Variants in PTH2R observed in about 807,000 individuals in gnomAD.
The protein encoded by PTH2R is parathyroid hormone 2 receptor.
In PTH2R, 59 loss-of-function variants were observed where a neutral mutation model predicts 60.3. The ratio of observed to expected loss-of-function variants is 0.98; its 90% confidence interval spans 0.79 to 1.22. PTH2R has a LOEUF of 1.22. Among genes scored for constraint, PTH2R ranks in the 50% most tolerant of loss-of-function variants. PTH2R has a pLI of 0.00. For synonymous variants in PTH2R, 256 were observed against 243.8 expected, an observed-to-expected ratio of 1.05 and a Z score of -0.47; for missense variants, 749 against 682.6, an observed-to-expected ratio of 1.10 and a Z score of -1.08.
intron 1 of PTH2R, among the ~76,000 whole-genome samples, chr2:208,395,958 CAG>C (rs1391450779): frequency 6.6e-6 from 1 of 152,182 alleles, no homozygotes; most frequent in African/African-American, 2.4e-5. Flanking sequence ...GGTACCAAAA[CAG>C]AGATATAGAC....
chr2:208,467,259 A>G (rs992596360), intron 9 of PTH2R, among the ~76,000 whole-genome samples: 4 of 152,182 alleles, frequency 2.6e-5, no homozygotes, highest in African/African-American at 7.2e-5. Context: ...GGTGGGAGCA[A>G]GTTTTCTTTT....
chr2:208,407,138 G>A lies in PTH2R; in HGVS notation c.75+20G>A, dbSNP rs1574845254. On this transcript the variant is annotated intron_variant, in intron 1 of 12. Transcript: ENST00000272847. ...GCCCAGGTAAGAGCCAGTGCTCCGC[G>A]ACACCTGTTTTCGCGGAGCCTCCGG... is the stretch of plus-strand genomic sequence containing the variant. 4 of 1,402,318 alleles carry A rather than the reference G, an allele frequency of 2.9e-6. No homozygotes were observed. In the African/African-American group the frequency reaches 4.5e-5, roughly 16 times the overall value. 86.9% of individuals were successfully genotyped at this position (1,402,318 alleles called of 1,614,324 possible).
At chr2:208,481,735 C>T (rs931594118) in intron 10 of PTH2R, among the ~76,000 whole-genome samples, 3 of 152,092 alleles carry the variant, frequency 2.0e-5, no homozygotes, top group Non-Finnish European at 4.4e-5. Context: ...TATGAACTCC[C>T]AGAAAATATC....
intron 1 of PTH2R, among the ~76,000 whole-genome samples, chr2:208,398,340 C>T (rs1016084198): frequency 2.6e-5 from 4 of 152,100 alleles, no homozygotes; most frequent in African/African-American, 4.8e-5. Context: ...CCAGAATGGC[C>T]GTGGAAGTCA....
At chr2:208,372,035 C>T (rs1700711479) in intron 1 of PTH2R, among the ~76,000 whole-genome samples, 2 of 152,024 alleles carry the variant, frequency 1.3e-5, no homozygotes, top group African/African-American at 4.8e-5. Context: ...AGTTCTCCTG[C>T]CTCAGCCTCC....
intron 1 of PTH2R, among the ~76,000 whole-genome samples, chr2:208,411,304 T>C (rs1033801684): frequency 3.9e-5 from 6 of 152,242 alleles, no homozygotes; most frequent in African/African-American, 1.4e-4. Context: ...CTATACTGTG[T>C]TTATTGCCAC....
At chr2:208,476,897 G>T (rs907333227) in intron 9 of PTH2R, among the ~76,000 whole-genome samples, 2 of 152,164 alleles carry the variant, frequency 1.3e-5, no homozygotes, top group Admixed American at 1.3e-4. Flanking sequence ...GATGCTGAAG[G>T]GTAGGCTCCT....
At chr2:208,457,528 A>G (rs1485323422) in intron 8 of PTH2R, among the ~76,000 whole-genome samples, 1 of 152,240 alleles carries the variant, frequency 6.6e-6, no homozygotes, top group East Asian at 1.9e-4. Context: ...GAAATAAAAC[A>G]TACACTTTTA....
chr2:208,389,196 A>G (rs1026837039), intron 1 of PTH2R, among the ~76,000 whole-genome samples: 6 of 151,280 alleles, frequency 4.0e-5, no homozygotes, highest in Non-Finnish European at 8.8e-5. Context: ...GCCATATTTT[A>G]CAGAATGATG....
intron 9 of PTH2R, among the ~76,000 whole-genome samples, chr2:208,472,226 T>C (rs1319529581): frequency 6.6e-6 from 1 of 152,134 alleles, no homozygotes; most frequent in African/African-American, 2.4e-5. Flanking sequence ...TGGGAAGGTG[T>C]GATTGCTTTT....
intron 9 of PTH2R, among the ~76,000 whole-genome samples, chr2:208,472,647 C>T (rs1330629216): frequency 6.6e-6 from 1 of 152,182 alleles, no homozygotes; most frequent in African/African-American, 2.4e-5. Flanking sequence ...AACTGTAAGT[C>T]CATTAAACCT....
chr2:208,378,291 C>G (rs1384458515), intron 1 of PTH2R, among the ~76,000 whole-genome samples: 3 of 150,446 alleles, frequency 2.0e-5, no homozygotes, highest in Admixed American at 2.0e-4. Flanking sequence ...GAGAATCAGG[C>G]AGGGAGGTTG....
intron 1 of PTH2R, among the ~76,000 whole-genome samples, chr2:208,426,680 A>G (rs539553843): frequency 7.9e-5 from 12 of 152,224 alleles, no homozygotes; most frequent in South Asian, 2.1e-4. Flanking sequence ...AATGTCTGGC[A>G]TTTCATCTGC....
intron 1 of PTH2R, among the ~76,000 whole-genome samples, chr2:208,427,892 A>G (rs1387783333): frequency 6.6e-6 from 1 of 150,968 alleles, no homozygotes; most frequent in Non-Finnish European, 1.5e-5. Context: ...TTTTATTTTA[A>G]ATATTTTTTC....
chr2:208,388,132 A>ACCG (rs1553540983), intron 1 of PTH2R, among the ~76,000 whole-genome samples: 6 of 131,406 alleles, frequency 4.6e-5, no homozygotes, highest in Admixed American at 3.1e-4. Flanking sequence ...ACATGGTGAA[A>ACCG]CCCCCCCCCC....
At chr2:208,483,369 A>T (rs1444922394) in intron 10 of PTH2R, among the ~76,000 whole-genome samples, 1 of 152,222 alleles carries the variant, frequency 6.6e-6, no homozygotes, top group Non-Finnish European at 1.5e-5. Flanking sequence ...ACTCTTCTTC[A>T]TAAAGTGGAA....
chr2:208,430,566 A>G (rs1181849962), intron 2 of PTH2R, among the ~76,000 whole-genome samples: 22 of 95,188 alleles, frequency 2.3e-4, no homozygotes, highest in African/African-American at 1.1e-3. Flanking sequence ...TTTTTTTTTG[A>G]GACGGAGTCT....
chr2:208,408,927 T>C (rs991874825), intron 1 of PTH2R, among the ~76,000 whole-genome samples: 7 of 152,272 alleles, frequency 4.6e-5, no homozygotes, highest in South Asian at 2.1e-4. Context: ...CTTTGTTTTG[T>C]TGGGGGTGGG....
intron 9 of PTH2R, among the ~76,000 whole-genome samples, chr2:208,478,895 T>C (rs939148452): frequency 1.3e-5 from 2 of 152,196 alleles, no homozygotes; most frequent in Non-Finnish European, 2.9e-5. Context: ...GCCTGTCTCA[T>C]AGAGCTGCTG....
Sources: allele counts gnomAD v4.1 joint callset (sites outside exome capture counted in the v4.1 genomes callset), GRCh38; gene constraint gnomAD v4.1.1; transcripts MANE v1.5; gene names NCBI Gene and HGNC (gene_info 2026-07-23, HGNC 2026-07-21).